Variants in SORL1 observed in about 807,000 individuals in gnomAD.
SORL1 encodes sortilin related receptor 1.
A neutral mutation model predicts 273.7 loss-of-function variants in SORL1; 127 were observed. The observed-to-expected ratio is 0.46, with a 90% CI of 0.40 to 0.54. SORL1 has a LOEUF of 0.54. SORL1 is among the 20% of genes least tolerant of loss of function. The probability of loss-of-function intolerance (pLI) is 0.00; values close to 1 mark genes in which losing one functional copy is unlikely to be tolerated. For synonymous variants in SORL1, 1,031 were observed against 1,067.4 expected, an observed-to-expected ratio of 0.97 and a Z score of 0.66; for missense variants, 2,494 against 2,846.1, an observed-to-expected ratio of 0.88 and a Z score of 2.81.
chr11:121,463,074 C>G (rs140547658), intron 1 of SORL1, among the ~76,000 whole-genome samples: 502 of 152,164 alleles, frequency 3.3e-3, no homozygotes, highest in African/African-American at 0.011. Context: ...GCTTGGGGTG[C>G]GCTCTCTTGA....
intron 11 of SORL1, among the ~76,000 whole-genome samples, chr11:121,524,801 C>T (rs1444340952): frequency 6.6e-6 from 1 of 151,940 alleles, no homozygotes; most frequent in African/African-American, 2.4e-5. Context: ...GCACAGTACA[C>T]TGCACATATT....
chr11:121,590,788 TCTA>T (rs1184527905), intron 30 of SORL1: 8 of 760,942 alleles, frequency 1.1e-5, no homozygotes, highest in Admixed American at 5.3e-5. Context: ...GTAAGGGAAA[TCTA>T]CTCCCCAAAA....
chr11:121,599,766 A>G (rs1229752486), intron 32 of SORL1, among the ~76,000 whole-genome samples: 4 of 144,980 alleles, frequency 2.8e-5, no homozygotes, highest in African/African-American at 5.5e-5. Flanking sequence ...CCTGCTGTGT[A>G]CTTTTTTTTT....
intron 14 of SORL1, 90 bp downstream of exon 14, chr11:121,545,519 G>A (rs1026396402): frequency 3.3e-6 from 4 of 1,219,408 alleles, no homozygotes; most frequent in Admixed American, 2.0e-5. Context: ...CCCTTTCCCT[G>A]AGCAAAGGAA....
At chr11:121,590,530 C>T in intron 30 of SORL1, 1 of 523,574 alleles carries the variant, frequency 1.9e-6, no homozygotes, top group South Asian at 2.2e-5. Flanking sequence ...GCTAATAAGC[C>T]CCCAGGTCCT....
At chr11:121,528,010 G>T (rs1455120697) in intron 11 of SORL1, among the ~76,000 whole-genome samples, 5 of 151,328 alleles carry the variant, frequency 3.3e-5, no homozygotes, top group Admixed American at 1.3e-4. Context: ...TCTTTTTGTA[G>T]CTTATTAAGA....
Position 121,595,295 on chromosome 11 carries a change from A to C in SORL1, c.4370-328A>C, listed in dbSNP as rs1863275583. Among the ~76,000 whole-genome samples, 1 of 152,188 alleles carries C rather than the reference A, an allele frequency of 6.6e-6. No homozygotes were observed. The highest frequency in any genetic ancestry group is 2.1e-4 in the South Asian group (1 of 4,830). Reference sequence around the variant, plus strand: ...GATTGGTTCTGAGCTTTCTCCTGTGACGGCTTAGGGTAGGACGCAGCCTTC... The same window carrying C: ...GATTGGTTCTGAGCTTTCTCCTGTGCCGGCTTAGGGTAGGACGCAGCCTTC... On this transcript the variant is annotated intron_variant, in intron 31 of 47. Transcript: ENST00000260197. This position sits in a 1 kb window ranked among gnomAD's most constrained non-coding sequence, Gnocchi z 5.1.
At position 121,577,275 on chromosome 11, in the gene SORL1, C is replaced by A; in HGVS notation, c.3461-6C>A. The A allele has an allele frequency of 6.3e-7, 1 of 1,582,224 alleles. No individual in the cohort carries two copies. Among genetic ancestry groups the A allele is most frequent in the South Asian group, 1.2e-5 (1 of 85,134 alleles). ...CTCACCTCTCTGTTTATGGTCTCAC[C>A]TGCAGAAATGCACCAGTGCCGGAGT... On this transcript the variant is annotated splice_polypyrimidine_tract_variant and splice_region_variant and intron_variant, in intron 24 of 47. Transcript: ENST00000260197.
At chr11:121,520,372 T>C (rs976652357) in intron 8 of SORL1, among the ~76,000 whole-genome samples, 2 of 152,234 alleles carry the variant, frequency 1.3e-5, no homozygotes, top group Admixed American at 1.3e-4. Flanking sequence ...AGATTCCATT[T>C]ATATGAAATG....
chr11:121,464,802 A>G (rs1048188646), intron 1 of SORL1, among the ~76,000 whole-genome samples: 4 of 152,188 alleles, frequency 2.6e-5, no homozygotes, highest in Non-Finnish European at 5.9e-5. Context: ...GTGGCTCTGC[A>G]GATGCCGCTG....
At position 121,576,836 on chromosome 11, in the gene SORL1, C is replaced by T. The variant is rs145425498; in HGVS notation, c.3461-445C>T. The T allele has an allele frequency of 7.3e-4, 1,114 of 1,534,128 alleles. 7 individuals are homozygous for T. The African/African-American group carries it at 0.012, about 16-fold the overall frequency. ...TTACTCTCTCTGACTGAGCATCTCA[C>T]GGTGATCAGCTCATGCAGACCTCTC... On this transcript the variant is annotated intron_variant, in intron 24 of 47. Coordinates refer to ENST00000260197, the MANE Select transcript of SORL1 (RefSeq NM_003105.6).
intron 4 of SORL1, among the ~76,000 whole-genome samples, chr11:121,488,516 C>T (rs528997105): frequency 6.6e-6 from 1 of 152,220 alleles, no homozygotes; most frequent in African/African-American, 2.4e-5. Flanking sequence ...AGAGAGAGAG[C>T]CAGGTGGAGA....
At chr11:121,492,709 C>G (rs1175863024) in intron 5 of SORL1, among the ~76,000 whole-genome samples, 2 of 152,058 alleles carry the variant, frequency 1.3e-5, no homozygotes, top group Non-Finnish European at 2.9e-5. Flanking sequence ...GTGTCTCCCT[C>G]CACAGCCAAT....
chr11:121,497,860 G>T (rs1157357544), intron 6 of SORL1, among the ~76,000 whole-genome samples: 2 of 152,174 alleles, frequency 1.3e-5, no homozygotes, highest in Admixed American at 6.5e-5. Flanking sequence ...TTACTCTGTT[G>T]TCTTTCACTG....
intron 41 of SORL1, among the ~76,000 whole-genome samples, chr11:121,618,136 G>T (rs1248448471): frequency 6.6e-6 from 1 of 152,158 alleles, no homozygotes; most frequent in African/African-American, 2.4e-5. Context: ...CGACACTTCT[G>T]CATCTCAATG....
chr11:121,529,205 G>T (rs1862167018), intron 11 of SORL1, among the ~76,000 whole-genome samples: 1 of 151,910 alleles, frequency 6.6e-6, no homozygotes. Context: ...GCCTTCTTCT[G>T]TTTACTATTT....
chr11:121,461,905 T>A (rs545589983), intron 1 of SORL1, among the ~76,000 whole-genome samples: 1 of 152,332 alleles, frequency 6.6e-6, no homozygotes, highest in East Asian at 1.9e-4. Context: ...GAAATGATGT[T>A]TTAGTGCGTC....
chr11:121,558,586 G>A lies in SORL1; in HGVS notation c.2664-5G>A, dbSNP rs370629536. 1.2e-4 allele frequency: 194 copies of A among 1,613,862 alleles called. 1 individual carries two copies. Among genetic ancestry groups the A allele is most frequent in the Non-Finnish European group, 9.0e-5 (106 of 1,179,968 alleles). ...AGGTATGTGTTCTGTCCCCATTTTCGCTAGGGTGATGTTCTGGACAGACTG... is the reference window on the plus strand; with the variant it reads ...AGGTATGTGTTCTGTCCCCATTTTCACTAGGGTGATGTTCTGGACAGACTG... On this transcript the variant is annotated splice_polypyrimidine_tract_variant and splice_region_variant and intron_variant, in intron 19 of 47. Transcript: ENST00000260197.
chr11:121,546,521 T>A (rs1253353636), intron 14 of SORL1, among the ~76,000 whole-genome samples: 1 of 152,216 alleles, frequency 6.6e-6, no homozygotes, highest in East Asian at 1.9e-4. Flanking sequence ...CAACTCATAT[T>A]TCAGTGGTTG....
Sources: gnomAD v4.1 joint callset for allele counts (sites outside exome capture counted in the v4.1 genomes callset) on GRCh38, gnomAD v4.1.1 for gene constraint, Gnocchi (gnomAD v3.1) non-coding constraint, MANE v1.5 for transcripts, NCBI Gene and HGNC (gene_info 2026-07-23, HGNC 2026-07-21) for gene names.